GSE1: variants seen among roughly 807,000 people sequenced by gnomAD.
GSE1 encodes genetic suppressor element 1.
In GSE1, 32 loss-of-function variants were observed where a neutral mutation model predicts 112.6. The ratio of observed to expected loss-of-function variants is 0.28; its 90% CI spans 0.21 to 0.38. The LOEUF (loss-of-function observed/expected upper bound fraction) is 0.38. Among genes scored for constraint, GSE1 ranks in the 10% least tolerant of loss-of-function variants. The pLI, the probability that GSE1 is intolerant of heterozygous loss-of-function variation, is 1.00. For synonymous variants in GSE1, 1,115 were observed against 735.6 expected, an observed-to-expected ratio of 1.52 and a Z score of -8.35; for missense variants, 2,348 against 1,699.2, an observed-to-expected ratio of 1.38 and a Z score of -6.71.
chr16:85,187,622 A>AT (rs147907761), intron 1 of GSE1, among the ~76,000 whole-genome samples: 2,402 of 152,208 alleles, frequency 0.016, 65 homozygotes, highest in African/African-American at 0.056. Context: ...TGACCGGGAG[A>AT]TGGCGTGGTT....
At chr16:85,590,647 G>A (rs756859906) in intron 1 of GSE1, among the ~76,000 whole-genome samples, 13 of 152,230 alleles carry the variant, frequency 8.5e-5, no homozygotes, top group Non-Finnish European at 1.8e-4. Flanking sequence ...GTGTGTGAGC[G>A]TGTGTGATTG....
chr16:85,474,634 C>A (rs544651936), intron 2 of GSE1, among the ~76,000 whole-genome samples: 5 of 150,186 alleles, frequency 3.3e-5, no homozygotes, highest in African/African-American at 1.2e-4. Flanking sequence ...TACCACCTCC[C>A]TCTCTCTTTC....
At chr16:85,647,696 C>T (rs1445238191) in intron 2 of GSE1, among the ~76,000 whole-genome samples, 6 of 152,176 alleles carry the variant, frequency 3.9e-5, no homozygotes, top group Non-Finnish European at 7.3e-5. Flanking sequence ...AAGCGATTCT[C>T]CTGCCTCCGC....
At chr16:85,444,088 G>T (rs973194292) in intron 2 of GSE1, among the ~76,000 whole-genome samples, 3 of 144,758 alleles carry the variant, frequency 2.1e-5, no homozygotes, top group Non-Finnish European at 4.5e-5. Flanking sequence ...GGGTTCAAGC[G>T]ATTCTCCTGC....
chr16:85,517,280 G>A (rs1331838154), intron 2 of GSE1, among the ~76,000 whole-genome samples: 1 of 152,120 alleles, frequency 6.6e-6, no homozygotes, highest in East Asian at 1.9e-4. Context: ...GAGGACACAC[G>A]CAGGGGCCTA....
chr16:85,542,586 G>A lies in GSE1; in HGVS notation c.2465-91328G>A, dbSNP rs546939354. 9.2e-5 allele frequency among the ~76,000 whole-genome samples: 14 copies of A among 152,342 alleles called. No individual in the cohort carries two copies. The South Asian group carries it at 1.4e-3, about 16-fold the overall frequency. On this transcript the variant is annotated intron_variant, in intron 2 of 2. Transcript: ENST00000637419. ...GGGTTGCTCCACCCCACAAACAACC[G>A]GAAAGGCTGTCTTTGGGACACATGG... is the stretch of plus-strand genomic sequence containing the variant.
At chr16:85,245,899 G>C (rs1444203839) in intron 1 of GSE1, among the ~76,000 whole-genome samples, 1 of 151,652 alleles carries the variant, frequency 6.6e-6, no homozygotes, top group Non-Finnish European at 1.5e-5. Context: ...GTGCGTGTGT[G>C]TCGAGGTGTC....
intron 4 of GSE1, among the ~76,000 whole-genome samples, 157 bp downstream of exon 4, chr16:85,654,607 C>G (rs1479045386): frequency 6.6e-6 from 1 of 152,138 alleles, no homozygotes; most frequent in Non-Finnish European, 1.5e-5. Context: ...CTGTCTGTGC[C>G]CCTTCACACT....
intron 2 of GSE1, among the ~76,000 whole-genome samples, chr16:85,520,603 A>G (rs2052150850): frequency 6.6e-6 from 1 of 151,240 alleles, no homozygotes; most frequent in African/African-American, 2.4e-5. Context: ...TGTTTTTTTT[A>G]GTAGAGATGG....
At chr16:85,635,451 C>G (rs754911100) in intron 2 of GSE1, among the ~76,000 whole-genome samples, 7 of 152,216 alleles carry the variant, frequency 4.6e-5, no homozygotes, top group African/African-American at 1.7e-4. Flanking sequence ...CGGACAGCTG[C>G]AGGCAAGATG....
intron 1 of GSE1, among the ~76,000 whole-genome samples, chr16:85,348,485 C>T (rs2046788760): frequency 6.6e-6 from 1 of 152,214 alleles, no homozygotes; most frequent in South Asian, 2.1e-4. Flanking sequence ...GGTCCCAGCT[C>T]TTTCTTGGTC....
chr16:85,656,110 C>T (rs2051905877), intron 6 of GSE1, among the ~76,000 whole-genome samples, 193 bp downstream of exon 6: 2 of 152,198 alleles, frequency 1.3e-5, no homozygotes, highest in South Asian at 4.1e-4. Context: ...GCCGTGGTCT[C>T]CTGCAGTAAA....
In GSE1 at chr16:85,585,798, T is replaced by G. The variant is rs576282334; in HGVS notation, c.37+29435T>G. Among the ~76,000 whole-genome samples the G allele has an allele frequency of 2.2e-3, 342 of 152,364 alleles. 1 individual carries two copies. The highest frequency in any genetic ancestry group is 8.0e-3 in the African/African-American group (331 of 41,586). On this transcript the variant is annotated intron_variant, in intron 1 of 2. Transcript: ENST00000635906. ...CTTCCCAGCCAGTGTCTTAAGTGTC[T>G]GATCCACATACATTTCCTTTGGCTG...
At chr16:85,437,155 A>G (rs1181410941) in intron 2 of GSE1, among the ~76,000 whole-genome samples, 2 of 152,080 alleles carry the variant, frequency 1.3e-5, no homozygotes, top group Non-Finnish European at 2.9e-5. Flanking sequence ...CCCTCCCCAC[A>G]GTCCCCCAAC....
intron 2 of GSE1, among the ~76,000 whole-genome samples, chr16:85,463,675 A>G (rs1395266058): frequency 6.6e-6 from 1 of 152,082 alleles, no homozygotes; most frequent in African/African-American, 2.4e-5. Flanking sequence ...CCCTGGCCCC[A>G]TCAGCTCTCT....
chr16:85,429,283 G>A (rs747540991), intron 2 of GSE1, among the ~76,000 whole-genome samples: 3 of 152,234 alleles, frequency 2.0e-5, no homozygotes, highest in Admixed American at 1.3e-4. Context: ...ATTCTGTGTG[G>A]CATGCATCAC....
intron 2 of GSE1, among the ~76,000 whole-genome samples, chr16:85,358,278 C>G (rs181171360): frequency 6.6e-6 from 1 of 152,238 alleles, no homozygotes; most frequent in South Asian, 2.1e-4. Context: ...GCTGCTGGGC[C>G]TTGGGGCCTG....
rs182362330 is a variant in GSE1, at chr16:85,369,858, G to A, written c.2464+12215G>A. ...CAGGCACTGTTGTAGGTGCTTTGCT[G>A]GGACTGGTCCCTCAGCCTCACGGTC... On this transcript the variant is annotated intron_variant, in intron 2 of 2. Coordinates refer to the GSE1 transcript ENST00000637419. 6.7e-4 allele frequency among the ~76,000 whole-genome samples: 102 copies of A among 152,336 alleles called. No homozygotes were observed. The East Asian group carries it at 0.017, about 25-fold the overall frequency.
intron 1 of GSE1, among the ~76,000 whole-genome samples, chr16:85,273,068 G>A (rs1199799873): frequency 6.6e-6 from 1 of 152,158 alleles, no homozygotes; most frequent in Non-Finnish European, 1.5e-5. Context: ...GAGCCACTGT[G>A]CCCAGCCCAT....
Sources: allele counts gnomAD v4.1 joint callset (sites outside exome capture counted in the v4.1 genomes callset), GRCh38; gene constraint gnomAD v4.1.1; transcripts MANE v1.5; gene names NCBI Gene and HGNC (gene_info 2026-07-23, HGNC 2026-07-21).